Variants in SLC25A40 observed in about 807,000 individuals in gnomAD.
The protein encoded by SLC25A40 is solute carrier family 25 member 40.
In SLC25A40, 41 loss-of-function variants were observed where a neutral mutation model predicts 46.5. That is an observed-to-expected ratio of 0.88 (90% CI 0.69 to 1.14). The LOEUF (loss-of-function observed/expected upper bound fraction) is 1.14. SLC25A40 is among the 50% of genes most tolerant of loss of function. The pLI is 0.00. For missense variants in SLC25A40, 386 were observed against 393.6 expected (o/e 0.98, Z 0.16); for synonymous variants, 126 against 127.5 (o/e 0.99, Z 0.08).
At chr7:87,844,251 A>AC (rs1230856699) in intron 8 of SLC25A40, among the ~76,000 whole-genome samples, 3 of 152,168 alleles carry the variant, frequency 2.0e-5, no homozygotes, top group African/African-American at 7.2e-5. Flanking sequence ...AAGTTGGGTT[A>AC]CCCCAGAAAT....
At chr7:87,874,629 G>C (rs1335602016) in intron 1 of SLC25A40, among the ~76,000 whole-genome samples, 1 of 152,196 alleles carries the variant, frequency 6.6e-6, no homozygotes, top group African/African-American at 2.4e-5. Context: ...GTGTTCACTA[G>C]AATGATAGTA....
chr7:87,849,973 A>T (rs202234430), intron 5 of SLC25A40, 25 bp from the exon 6 acceptor site: 1 of 1,438,174 alleles, frequency 7.0e-7, no homozygotes, highest in Non-Finnish European at 9.6e-7. Context: ...GAAAAAAAGT[A>T]ATCAAAATAT....
intron 11 of SLC25A40, among the ~76,000 whole-genome samples, 177 bp from the exon 12 acceptor site, chr7:87,836,538 A>G (rs1458069392): frequency 6.6e-6 from 1 of 151,528 alleles, no homozygotes; most frequent in Non-Finnish European, 1.5e-5. Context: ...TCCATATTAC[A>G]TTATAGAGAA....
intron 1 of SLC25A40, among the ~76,000 whole-genome samples, chr7:87,875,079 T>C (rs74371187): frequency 1.3e-5 from 2 of 152,254 alleles, no homozygotes; most frequent in Admixed American, 1.3e-4. Flanking sequence ...TTGTTCAAAC[T>C]ACACTTCCTT....
intron 3 of SLC25A40, among the ~76,000 whole-genome samples, chr7:87,857,177 G>A (rs185300066): frequency 5.3e-5 from 8 of 152,244 alleles, no homozygotes; most frequent in Admixed American, 4.6e-4. Flanking sequence ...AAGAAATTCC[G>A]TTAATGCAAA....
At position 87,835,656 on chromosome 7, in the gene SLC25A40, A is replaced by C. The variant is rs554749591; in HGVS notation, c.*593T>G. ...ATGGTTCATAAGGAAAACAGCCACA[A>C]TTTTGATCAGAGAAATGTTAATACA... On this transcript the variant is annotated 3_prime_UTR_variant, in exon 12 of 12. Coordinates refer to ENST00000341119, the MANE Select transcript of SLC25A40 (RefSeq NM_018843.4). The C allele has an allele frequency of 1.3e-5, 2 of 151,760 alleles. No individual in the cohort carries two copies. Among genetic ancestry groups the C allele is most frequent in the African/African-American group, 4.8e-5 (2 of 41,518 alleles). The allele number at this position is 151,760 out of a possible 1,614,324, so 9.4% of individuals were successfully genotyped here. A position where few individuals can be genotyped will look rare whatever the true frequency, so the allele number is the denominator to read the frequency against.
chr7:87,848,021 T>A, intron 6 of SLC25A40, 44 bp from the exon 7 acceptor site: 1 of 1,568,134 alleles, frequency 6.4e-7, no homozygotes, highest in Non-Finnish European at 8.6e-7. Flanking sequence ...TATCAAAAGA[T>A]CCCACATAGT....
At chr7:87,858,830 G>T in intron 2 of SLC25A40, 79 bp from the exon 3 acceptor site, 1 of 757,140 alleles carries the variant, frequency 1.3e-6, no homozygotes, top group South Asian at 1.5e-5. Flanking sequence ...TAAGCTGGGT[G>T]AGCAGCATCA....
At chr7:87,854,111 T>C in intron 5 of SLC25A40, 93 bp downstream of exon 5, 3 of 844,790 alleles carry the variant, frequency 3.6e-6, no homozygotes, top group South Asian at 3.0e-5. Context: ...CTCAGTTTAA[T>C]ATGATTCTTA....
intron 1 of SLC25A40, among the ~76,000 whole-genome samples, chr7:87,863,570 G>C (rs549584328): frequency 6.6e-6 from 1 of 151,356 alleles, no homozygotes; most frequent in African/African-American, 2.4e-5. Context: ...AACGGACTAA[G>C]ACATTTATTT....
rs555723020 is a variant in SLC25A40 at position 87,848,355 on chromosome 7, G to A, written c.333-378C>T. ...GCAGAGGTTGCAATGAGCCGAGATCGTGCCACTGCACTCCAGCCTATTTAG... is the reference window on the plus strand; with the variant it reads ...GCAGAGGTTGCAATGAGCCGAGATCATGCCACTGCACTCCAGCCTATTTAG... On this transcript the variant is annotated intron_variant, in intron 6 of 11. Coordinates refer to ENST00000341119, the MANE Select transcript of SLC25A40 (RefSeq NM_018843.4). Among the ~76,000 whole-genome samples the A allele has an allele frequency of 4.6e-5, 7 of 152,218 alleles. No individual in the cohort carries two copies. The South Asian group carries it at 8.3e-4, about 18-fold the overall frequency.
chr7:87,850,500 T>A (rs1375092653), intron 5 of SLC25A40, among the ~76,000 whole-genome samples: 1 of 152,156 alleles, frequency 6.6e-6, no homozygotes, highest in East Asian at 1.9e-4. Context: ...TTTGGCTGCA[T>A]GCAGTGGCTC....
intron 11 of SLC25A40, 135 bp downstream of exon 11, chr7:87,836,595 A>G (rs1472970084): frequency 3.6e-6 from 2 of 555,572 alleles, no homozygotes; most frequent in Non-Finnish European, 6.0e-6. Flanking sequence ...ATTTATTTTA[A>G]CTTATAATAA....
At chr7:87,855,485 GACTA>G (rs140805338) in intron 4 of SLC25A40, among the ~76,000 whole-genome samples, 5,059 of 152,140 alleles carry the variant, frequency 0.033, 266 homozygotes, top group African/African-American at 0.11. Flanking sequence ...CCACTTACTG[GACTA>G]ACTGTTGCCA....
At chr7:87,870,063 T>G (rs1838872391) in intron 1 of SLC25A40, among the ~76,000 whole-genome samples, 1 of 152,146 alleles carries the variant, frequency 6.6e-6, no homozygotes, top group Admixed American at 6.6e-5. Flanking sequence ...ATGTTATGCA[T>G]AACAATTATA....
intron 1 of SLC25A40, among the ~76,000 whole-genome samples, chr7:87,865,861 C>T (rs978290655): frequency 2.6e-5 from 4 of 152,140 alleles, no homozygotes; most frequent in African/African-American, 7.2e-5. Context: ...GCAGGTGGAT[C>T]GCTTGAGCCC....
At position 87,876,302 on chromosome 7, in the gene SLC25A40, G is replaced by GGAGGCGGGGTA. The variant is rs1238276372; in HGVS notation, c.-311_-301dup. 6.2e-6 allele frequency: 1 copy of GGAGGCGGGGTA among 162,304 alleles called. No individual in the cohort carries two copies. Among genetic ancestry groups the GGAGGCGGGGTA allele is most frequent in the African/African-American group, 2.4e-5 (1 of 41,770 alleles). 10.1% of individuals were successfully genotyped at this position (162,304 alleles called of 1,614,324 possible). A position where few individuals can be genotyped will look rare whatever the true frequency, so the allele number is the denominator to read the frequency against. On this transcript the variant is annotated 5_prime_UTR_variant, in exon 1 of 12. Transcript: ENST00000341119. ...TCTGAGACTGAGAGAGCAACGGAAT[G>GGAGGCGGGGTA]GAGGCGGGGTAGAGGCGGAAACACA...
chr7:87,841,766 A>C, intron 9 of SLC25A40, 52 bp from the exon 10 acceptor site: 1 of 1,118,580 alleles, frequency 8.9e-7, no homozygotes, highest in Non-Finnish European at 1.2e-6. Context: ...ATTTTTCCTA[A>C]AATATTTTTA....
intron 3 of SLC25A40, among the ~76,000 whole-genome samples, chr7:87,857,472 T>C (rs558313854): frequency 6.6e-6 from 1 of 152,340 alleles, no homozygotes; most frequent in African/African-American, 2.4e-5. Flanking sequence ...GTTGTTTTCA[T>C]ATAATAATAT....
Sources: allele counts gnomAD v4.1 joint callset (sites outside exome capture counted in the v4.1 genomes callset), GRCh38; gene constraint gnomAD v4.1.1; transcripts MANE v1.5; gene names NCBI Gene and HGNC (gene_info 2026-07-23, HGNC 2026-07-21).